Variants in FAAH2 observed in about 807,000 individuals in gnomAD.
FAAH2 encodes the protein fatty acid amide hydrolase 2.
FAAH2 carries 60 observed loss-of-function variants against 36.9 expected under a neutral mutation model. The observed-to-expected ratio is 1.63, with a 90% CI of 1.32 to 2.02. FAAH2 has a LOEUF of 2.02. Ranked by LOEUF, FAAH2 falls within the 30% of genes most tolerant of loss-of-function variation. The pLI, the probability that FAAH2 is intolerant of heterozygous loss-of-function variation, is 0.00. For synonymous variants in FAAH2, 214 were observed against 143.8 expected (o/e 1.49, Z -3.49); for missense variants, 689 against 397.5 (o/e 1.73, Z -6.23).
chrX:57,221,510 G>A, the FAAH2 span, among the ~76,000 whole-genome samples: 3 of 110,237 alleles, frequency 2.7e-5, no homozygotes, highest in African/African-American at 9.9e-5. Flanking sequence ...ATCATTTCTC[G>A]TCTCCTCTCC....
Position 57,286,984 on chromosome X carries a change from G to A in FAAH2, c.159G>A (p.Gly53=). 5.8e-6 allele frequency: 7 copies of A among 1,200,431 alleles called. No homozygotes were observed. The highest frequency in any genetic ancestry group is 2.4e-4 in the Middle Eastern group (1 of 4,189). The change falls in exon 1 of 11, where the codon GGG becomes GGA. Residue 53 remains glycine (G), a synonymous_variant. Coordinates refer to ENST00000374900, the MANE Select transcript of FAAH2 (RefSeq NM_174912.4). ...PVTEPLLLLS[G]MQLAKLIRQR... ...CTGAACCATTGCTTCTGCTTTCGGG[G>A]ATGCAGCTGGCCAAGCTGATCCGAC...
the FAAH2 span, among the ~76,000 whole-genome samples, chrX:57,133,650 A>G: frequency 9.8e-5 from 11 of 111,763 alleles, no homozygotes; most frequent in East Asian, 5.6e-4. Context: ...TTCAGGAGAT[A>G]CCAGAGACAT....
intron 3 of FAAH2, among the ~76,000 whole-genome samples, chrX:57,330,286 A>G (rs182660297): frequency 3.6e-5 from 4 of 111,707 alleles, no homozygotes; most frequent in African/African-American, 1.3e-4. Flanking sequence ...GTGGGTCTCT[A>G]AAATGGCCCC....
At chrX:57,453,447 A>T (rs1222650405) in intron 10 of FAAH2, among the ~76,000 whole-genome samples, 1 of 109,762 alleles carries the variant, frequency 9.1e-6, no homozygotes, top group African/African-American at 3.3e-5. Flanking sequence ...CTGCCAGTGG[A>T]CACAGCCTCC....
At chrX:57,230,952 C>A in the FAAH2 span, among the ~76,000 whole-genome samples, 1 of 108,386 alleles carries the variant, frequency 9.2e-6, no homozygotes, top group Non-Finnish European at 1.9e-5. Flanking sequence ...TTTTTTTATT[C>A]CTTGATTATA....
chrX:57,312,789 A>C (rs1478861926), intron 3 of FAAH2, among the ~76,000 whole-genome samples: 7 of 111,966 alleles, frequency 6.3e-5, no homozygotes, highest in Non-Finnish European at 1.3e-4. Context: ...CAAATATTAG[A>C]ATAAATCAGT....
At chrX:57,385,075 T>C (rs1569308847) in intron 7 of FAAH2, among the ~76,000 whole-genome samples, 1 of 109,639 alleles carries the variant, frequency 9.1e-6, no homozygotes, top group Non-Finnish European at 1.9e-5. Context: ...GTGGGAATTG[T>C]ACAATGAGAA....
At chrX:57,449,757 C>T (rs763030756) in intron 10 of FAAH2, among the ~76,000 whole-genome samples, 2 of 110,955 alleles carry the variant, frequency 1.8e-5, no homozygotes, top group Non-Finnish European at 3.8e-5. Context: ...ACCTCCACCT[C>T]CTAGGTTCAA....
chrX:57,233,888 C>T, the FAAH2 span, among the ~76,000 whole-genome samples: 3 of 112,507 alleles, frequency 2.7e-5, no homozygotes, highest in Admixed American at 9.4e-5. Context: ...TTAAGTGATC[C>T]GCCCGCCTCT....
intron 10 of FAAH2, among the ~76,000 whole-genome samples, chrX:57,482,706 T>C (rs1602841756): frequency 1.5e-5 from 1 of 65,693 alleles, no homozygotes; most frequent in Non-Finnish European, 3.2e-5. Context: ...CTTCATTCCC[T>C]CAATTTTTTT....
At chrX:57,308,526 A>G (rs1178486468) in intron 2 of FAAH2, among the ~76,000 whole-genome samples, 2 of 111,419 alleles carry the variant, frequency 1.8e-5, no homozygotes, top group Non-Finnish European at 3.8e-5. Flanking sequence ...TAGATTCTGG[A>G]TATTAGATCT....
chrX:57,282,757 G>C (rs1280430273), upstream of FAAH2, among the ~76,000 whole-genome samples: 1 of 111,703 alleles, frequency 9.0e-6, no homozygotes, highest in South Asian at 3.7e-4. Flanking sequence ...TAATAGGTAC[G>C]CTCTTGCTTA....
the FAAH2 span, among the ~76,000 whole-genome samples, chrX:57,156,582 C>A: frequency 1.8e-5 from 2 of 112,196 alleles, no homozygotes; most frequent in African/African-American, 6.5e-5. Context: ...CCTGTGGTGA[C>A]TGTAGCGATT....
rs1447748320 is a variant in FAAH2 at position 57,393,194 on chromosome X, G to C, written c.996+12165G>C. The C allele has an allele frequency of 3.3e-6, 4 of 1,195,597 alleles. No homozygotes were observed. In the African/African-American group the frequency reaches 7.0e-5, roughly 21 times the overall value. ...GAATGCATTCACGGCCACTACTACT[G>C]GAATTCCAAACATTCTGGCATTTTC... On this transcript the variant is annotated intron_variant, in intron 7 of 10. Transcript: ENST00000374900.
At chrX:57,440,085 G>T (rs953975285) in intron 8 of FAAH2, among the ~76,000 whole-genome samples, 1 of 111,447 alleles carries the variant, frequency 9.0e-6, no homozygotes, top group Non-Finnish European at 1.9e-5. Context: ...GGTGATGCGG[G>T]CTCTTTTTTG....
At chrX:57,247,843 G>T in the FAAH2 span, among the ~76,000 whole-genome samples, 1 of 112,273 alleles carries the variant, frequency 8.9e-6, no homozygotes, top group South Asian at 3.7e-4. Flanking sequence ...TGCTTCAAAC[G>T]TGTTTTCCCT....
chrX:57,181,708 C>T, the FAAH2 span, among the ~76,000 whole-genome samples: 1 of 111,740 alleles, frequency 8.9e-6, no homozygotes, highest in Admixed American at 9.5e-5. Flanking sequence ...TGACATTCTT[C>T]ACAGAACTAG....
chrX:57,382,608 C>T (rs954075678), intron 7 of FAAH2, among the ~76,000 whole-genome samples: 21 of 111,603 alleles, frequency 1.9e-4, no homozygotes, highest in Non-Finnish European at 1.9e-4. Flanking sequence ...CACATACACC[C>T]TCCCAAGACT....
intron 8 of FAAH2, among the ~76,000 whole-genome samples, chrX:57,440,006 C>A (rs1228847650): frequency 9.0e-6 from 1 of 111,400 alleles, no homozygotes; most frequent in Non-Finnish European, 1.9e-5. Flanking sequence ...TTACTGTAGC[C>A]TTGTAGTATA....
Sources: allele counts gnomAD v4.1 joint callset (sites outside exome capture counted in the v4.1 genomes callset), GRCh38; gene constraint gnomAD v4.1.1; transcripts MANE v1.5; gene names NCBI Gene and HGNC (gene_info 2026-07-23, HGNC 2026-07-21).